The following SHC3 variants were observed in gnomAD, a reference collection of about 807,000 sequenced individuals.
The protein encoded by SHC3 is SHC adaptor protein 3, also known as SHC-transforming protein 3.
In SHC3, 15 loss-of-function variants were observed where a neutral mutation model predicts 60.4. That is an observed-to-expected ratio of 0.25 (90% CI 0.17 to 0.38). The LOEUF is 0.38. Among genes scored for constraint, SHC3 ranks in the 10% least tolerant of loss-of-function variants. The pLI is 1.00. For synonymous variants in SHC3, 294 were observed against 325.9 expected, an observed-to-expected ratio of 0.90 and a Z score of 1.05; for missense variants, 677 against 786.1, an observed-to-expected ratio of 0.86 and a Z score of 1.66.
At chr9:89,063,198 C>T (rs750557601) in intron 6 of SHC3, among the ~76,000 whole-genome samples, 25 of 152,128 alleles carry the variant, frequency 1.6e-4, no homozygotes, top group African/African-American at 2.4e-4. Flanking sequence ...GGTGCGATCT[C>T]GGCTCACTGC....
intron 1 of SHC3, among the ~76,000 whole-genome samples, chr9:89,174,991 T>C (rs1439019675): frequency 6.6e-6 from 1 of 152,238 alleles, no homozygotes; most frequent in Non-Finnish European, 1.5e-5. Flanking sequence ...TACCCAGGCT[T>C]GACTTTAGGA....
At chr9:89,146,931 G>A (rs906672101) in intron 1 of SHC3, among the ~76,000 whole-genome samples, 1 of 152,108 alleles carries the variant, frequency 6.6e-6, no homozygotes, top group African/African-American at 2.4e-5. Context: ...CATGTCCTAT[G>A]ACCCAGCAGC....
intron 1 of SHC3, among the ~76,000 whole-genome samples, chr9:89,137,928 A>G (rs1826341268): frequency 6.6e-6 from 1 of 152,240 alleles, no homozygotes; most frequent in Non-Finnish European, 1.5e-5. Context: ...ATTATTTTGT[A>G]ACAGAGTCTT....
intron 2 of SHC3, among the ~76,000 whole-genome samples, chr9:89,094,085 C>G (rs1381783409): frequency 7.5e-6 from 1 of 133,650 alleles, no homozygotes; most frequent in East Asian, 2.2e-4. Context: ...GCCTAGGGTA[C>G]AGAGTAAGAC....
chr9:89,115,680 A>G (rs1256519641), intron 1 of SHC3, among the ~76,000 whole-genome samples: 2 of 152,200 alleles, frequency 1.3e-5, no homozygotes, highest in Non-Finnish European at 2.9e-5. Context: ...TGCACAGTGC[A>G]TGTCAACCCT....
intron 6 of SHC3, among the ~76,000 whole-genome samples, chr9:89,060,770 C>A (rs751320736): frequency 2.0e-5 from 3 of 152,032 alleles, no homozygotes; most frequent in South Asian, 4.1e-4. Context: ...AGTGGAAGAG[C>A]GGGCACAGAG....
chr9:89,074,984 T>C (rs1421313970), intron 4 of SHC3, 125 bp downstream of exon 4: 2 of 1,301,766 alleles, frequency 1.5e-6, no homozygotes, highest in South Asian at 1.8e-5. Context: ...CCAAAGTTCA[T>C]ACTCTAGTAA....
In SHC3 at chr9:89,038,346, A is replaced by G. The variant is rs79374955; in HGVS notation, c.1361-58T>C. On this transcript the variant is annotated intron_variant, in intron 10 of 11. Transcript: ENST00000375835. ...AATCCCAAGAAGAGCAAATGATAAA[A>G]AAAAAAAAAAAAAAATACAGTGAGA... 3 of 349,236 alleles carry G rather than the reference A, an allele frequency of 8.6e-6. No homozygotes were observed. The African/African-American group carries it at 9.4e-5, about 11-fold the overall frequency. The allele number at this position is 349,236 out of a possible 1,614,324, so 21.6% of individuals were successfully genotyped here. A position where few individuals can be genotyped will look rare whatever the true frequency, so the allele number is the denominator to read the frequency against.
chr9:89,044,969 T>TC (rs900855430), intron 9 of SHC3, among the ~76,000 whole-genome samples: 6 of 151,794 alleles, frequency 4.0e-5, no homozygotes, highest in African/African-American at 1.2e-4. Context: ...GGGCTTCACA[T>TC]CCCCCCTGAA....
In SHC3 at chr9:89,013,314, G is replaced by A; in HGVS notation, c.*133C>T. On this transcript the variant is annotated 3_prime_UTR_variant, in exon 12 of 12. Coordinates refer to ENST00000375835, the MANE Select transcript of SHC3 (RefSeq NM_016848.6). The stretch of plus-strand genomic sequence containing the variant: ...AAGTTTATGAAACTTGACCTTAAAG[G>A]AAGCCTTCCTTTTGAAGCTTTTGAA... The A allele has an allele frequency of 8.6e-7, 1 of 1,161,522 alleles. No individual in the cohort carries two copies. Among genetic ancestry groups the A allele is most frequent in the East Asian group, 2.7e-5 (1 of 36,422 alleles). The allele number at this position is 1,161,522 out of a possible 1,614,324, so 72.0% of individuals were successfully genotyped here.
In SHC3 at chr9:89,057,322, T is replaced by C. The variant is rs921983483; in HGVS notation, c.836-5159A>G. ...GATCCAGTTTTCCTTTTTCTTTTTT[T>C]TTTTTTTTTTTTTAATCAGAGAAGA... is the stretch of plus-strand genomic sequence containing the variant. On this transcript the variant is annotated intron_variant, in intron 6 of 11. Transcript: ENST00000375835. Among the ~76,000 whole-genome samples, 368 of 147,512 alleles carry C rather than the reference T, an allele frequency of 2.5e-3. 1 individual carries two copies. The highest frequency in any genetic ancestry group is 8.8e-3 in the African/African-American group (349 of 39,596).
chr9:89,070,685 ACT>A (rs149441072), intron 5 of SHC3, among the ~76,000 whole-genome samples: 26 of 149,626 alleles, frequency 1.7e-4, no homozygotes, highest in Non-Finnish European at 1.6e-4. Context: ...TCTTCTTCTT[ACT>A]CTCTCTCTCT....
chr9:89,062,296 T>C (rs555908563), intron 6 of SHC3, among the ~76,000 whole-genome samples: 2 of 152,242 alleles, frequency 1.3e-5, no homozygotes, highest in Non-Finnish European at 2.9e-5. Context: ...CCAGTAGTCA[T>C]CACCTAGGCC....
intron 4 of SHC3, among the ~76,000 whole-genome samples, chr9:89,071,905 T>C (rs1361689011): frequency 6.6e-6 from 1 of 152,202 alleles, no homozygotes. Context: ...GACTCTTCCT[T>C]GCAAGACATT....
At position 89,174,468 on chromosome 9, in the gene SHC3, C is replaced by T. The variant is rs908534294; in HGVS notation, c.474+3519G>A. ...CCACAAGCTGAAACCTATGTAACTT[C>T]GCTGGAGCCTTCACAGGTGTTTATG... On this transcript the variant is annotated intron_variant, in intron 1 of 11. Coordinates refer to ENST00000375835, the MANE Select transcript of SHC3 (RefSeq NM_016848.6). Among the ~76,000 whole-genome samples, 5 of 152,170 alleles carry T rather than the reference C, an allele frequency of 3.3e-5. No homozygotes were observed. In the East Asian group the frequency reaches 9.6e-4, roughly 29 times the overall value.
chr9:89,051,301 C>A (rs761850448), intron 7 of SHC3, among the ~76,000 whole-genome samples: 8 of 152,172 alleles, frequency 5.3e-5, no homozygotes, highest in African/African-American at 9.7e-5. Context: ...ACTGAATGAC[C>A]AATATGCCCC....
intron 11 of SHC3, among the ~76,000 whole-genome samples, chr9:89,017,937 C>T (rs966955816): frequency 6.6e-6 from 1 of 151,968 alleles, no homozygotes; most frequent in Non-Finnish European, 1.5e-5. Flanking sequence ...ATCAAAACCA[C>T]GAGATACTAT....
chr9:89,137,877 A>G (rs1273053600), intron 1 of SHC3, among the ~76,000 whole-genome samples: 1 of 152,202 alleles, frequency 6.6e-6, no homozygotes, highest in Non-Finnish European at 1.5e-5. Flanking sequence ...TTCAATCCAT[A>G]AGAAAAGAAC....
rs370776639 is a variant in SHC3, at chr9:89,037,993, C to T, written c.1656G>A (p.Thr552=). The T allele has an allele frequency of 3.7e-6, 6 of 1,606,040 alleles. No individual in the cohort carries two copies. The highest frequency in any genetic ancestry group is 1.1e-5 in the South Asian group (1 of 91,026). The change falls in exon 11 of 12, where the codon ACG becomes ACA. Residue 552 remains threonine, a splice_region_variant and synonymous_variant. Transcript: ENST00000375835. The stretch of plus-strand genomic sequence containing the variant: ...GGCCCCACCCCCACTGGGTGCTCAC[C>T]GTGCCTTCTGGGTCCACGAGCAGCA... ...KHLLLVDPEG[T]IRTKDRVFDS...
Sources: allele counts gnomAD v4.1 joint callset (sites outside exome capture counted in the v4.1 genomes callset), GRCh38; gene constraint gnomAD v4.1.1; transcripts MANE v1.5; gene names NCBI Gene and HGNC (gene_info 2026-07-23, HGNC 2026-07-21).